Variants in ATP10B observed in about 807,000 individuals in gnomAD.
ATP10B encodes the protein ATPase phospholipid transporting 10B (putative).
In ATP10B, 122 loss-of-function variants were observed where a neutral mutation model predicts 141.2. The observed-to-expected ratio is 0.86, with a 90% CI of 0.75 to 1.00. The LOEUF (loss-of-function observed/expected upper bound fraction) is 1.00. Among genes scored for constraint, ATP10B ranks in the 50% least tolerant of loss-of-function variants. ATP10B has a pLI of 0.00. For missense variants in ATP10B, 1,876 were observed against 1,825.3 expected, an observed-to-expected ratio of 1.03 and a Z score of -0.51; for synonymous variants, 685 against 692.0, an observed-to-expected ratio of 0.99 and a Z score of 0.16.
chr5:160,693,403 AACACACACACACACACACACACAC>A (rs3075585), intron 3 of ATP10B, among the ~76,000 whole-genome samples: 11 of 125,684 alleles, frequency 8.8e-5, no homozygotes, highest in South Asian at 6.3e-4. Context: ...TGGGTCAGAA[AACACACACACACACACACACACAC>A]ACACACACAC....
At chr5:160,838,514 C>G (rs756599725) in intron 1 of ATP10B, among the ~76,000 whole-genome samples, 1 of 152,004 alleles carries the variant, frequency 6.6e-6, no homozygotes, top group Non-Finnish European at 1.5e-5. Flanking sequence ...TTAGCTGGAC[C>G]ATTATTTTAA....
chr5:160,812,473 T>A (rs547454604), intron 1 of ATP10B, among the ~76,000 whole-genome samples: 1 of 152,192 alleles, frequency 6.6e-6, no homozygotes, highest in South Asian at 2.1e-4. Context: ...TCAAAATACC[T>A]GTTTTGAGGA....
the ATP10B span, among the ~76,000 whole-genome samples, chr5:160,895,564 C>T: frequency 0.098 from 14,976 of 152,134 alleles, 838 homozygotes; most frequent in Non-Finnish European, 0.12. Flanking sequence ...TCTTAGGGAC[C>T]TAAAGAGAGA....
At chr5:160,818,570 C>A (rs1401804955) in intron 1 of ATP10B, among the ~76,000 whole-genome samples, 2 of 152,186 alleles carry the variant, frequency 1.3e-5, no homozygotes, top group African/African-American at 4.8e-5. Flanking sequence ...ACTAGTTCAA[C>A]CATTGTGGAA....
chr5:160,659,697 T>C (rs1011610228), intron 7 of ATP10B, among the ~76,000 whole-genome samples: 3 of 152,014 alleles, frequency 2.0e-5, no homozygotes, highest in South Asian at 2.1e-4. Flanking sequence ...CAGAAGTCTA[T>C]AGAAAATAAA....
intron 1 of ATP10B, among the ~76,000 whole-genome samples, chr5:160,828,948 A>C (rs1774849243): frequency 6.9e-6 from 1 of 145,706 alleles, no homozygotes; most frequent in Non-Finnish European, 1.5e-5. Context: ...TCAGTAAACT[A>C]ACGCAAGGAC....
intron 1 of ATP10B, among the ~76,000 whole-genome samples, chr5:160,826,356 G>A (rs575827318): frequency 2.0e-4 from 30 of 152,234 alleles, no homozygotes; most frequent in African/African-American, 6.3e-4. Flanking sequence ...GCAGAGGAAC[G>A]TAAATCGTGA....
intron 2 of ATP10B, among the ~76,000 whole-genome samples, chr5:160,722,486 T>C (rs1382549119): frequency 1.3e-5 from 2 of 152,098 alleles, no homozygotes; most frequent in African/African-American, 4.8e-5. Context: ...CCTTAGCTGC[T>C]CCCAAGAATT....
At chr5:160,778,178 C>A (rs1561843575) in intron 2 of ATP10B, among the ~76,000 whole-genome samples, 1 of 152,158 alleles carries the variant, frequency 6.6e-6, no homozygotes, top group African/African-American at 2.4e-5. Context: ...AAAGTAAACA[C>A]ATAAATAATT....
intron 7 of ATP10B, among the ~76,000 whole-genome samples, chr5:160,661,507 A>G (rs928654143): frequency 6.6e-6 from 1 of 152,224 alleles, no homozygotes; most frequent in African/African-American, 2.4e-5. Flanking sequence ...GAAATGAAAT[A>G]TTGAAGATCT....
chr5:160,705,303 C>T (rs1303079063), intron 3 of ATP10B, among the ~76,000 whole-genome samples: 2 of 151,890 alleles, frequency 1.3e-5, no homozygotes, highest in African/African-American at 2.4e-5. Context: ...CTTATGGTGG[C>T]CTCAACATCC....
chr5:160,855,949 A>T (rs1403454384), upstream of ATP10B, among the ~76,000 whole-genome samples: 1 of 151,718 alleles, frequency 6.6e-6, no homozygotes, highest in African/African-American at 2.4e-5. Flanking sequence ...TCCATTGTTT[A>T]TACCCCTGCC....
At chr5:160,580,357 A>G (rs971436382) in intron 24 of ATP10B, among the ~76,000 whole-genome samples, 56 of 152,310 alleles carry the variant, frequency 3.7e-4, no homozygotes, top group African/African-American at 1.3e-3. Context: ...TAATTTATTG[A>G]GAGTTTTTAG....
chr5:160,834,188 G>A (rs1469493716), intron 1 of ATP10B, among the ~76,000 whole-genome samples: 1 of 152,052 alleles, frequency 6.6e-6, no homozygotes, highest in African/African-American at 2.4e-5. Flanking sequence ...AGCCAGGTGT[G>A]GTGGTATAAG....
At chr5:160,650,167 TATAC>T (rs1391679484) in intron 7 of ATP10B, among the ~76,000 whole-genome samples, 5 of 150,680 alleles carry the variant, frequency 3.3e-5, no homozygotes, top group Admixed American at 1.3e-4. Flanking sequence ...TATACATATA[TATAC>T]ATACATATAT....
At chr5:160,649,588 C>T (rs1760554883) in intron 7 of ATP10B, among the ~76,000 whole-genome samples, 1 of 152,086 alleles carries the variant, frequency 6.6e-6, no homozygotes, top group Non-Finnish European at 1.5e-5. Flanking sequence ...AGTATGGAAG[C>T]CACTAATCAC....
intron 3 of ATP10B, chr5:160,692,857 G>A (rs556594141): frequency 2.6e-5 from 4 of 152,186 alleles, no homozygotes; most frequent in African/African-American, 7.2e-5. Flanking sequence ...CTCTTTATTC[G>A]GTAGCCCTCC....
At chr5:160,664,502 C>T (rs533824579) in intron 7 of ATP10B, among the ~76,000 whole-genome samples, 1 of 152,294 alleles carries the variant, frequency 6.6e-6, no homozygotes, top group South Asian at 2.1e-4. Flanking sequence ...AATTTTTAAC[C>T]TGAGCAACAA....
intron 3 of ATP10B, among the ~76,000 whole-genome samples, chr5:160,709,035 C>T (rs2127769278): frequency 6.6e-6 from 1 of 152,282 alleles, no homozygotes; most frequent in East Asian, 1.9e-4. Context: ...AGACAGACCC[C>T]TTGGAAAATA....
Sources: gnomAD v4.1 joint callset for allele counts (sites outside exome capture counted in the v4.1 genomes callset) on GRCh38, gnomAD v4.1.1 for gene constraint, MANE v1.5 for transcripts, NCBI Gene and HGNC (gene_info 2026-07-23, HGNC 2026-07-21) for gene names.